MESD: variants seen among roughly 807,000 people sequenced by gnomAD.
MESD encodes the protein mesoderm development LRP chaperone.
Under a neutral mutation model 12.9 loss-of-function variants are expected in MESD, and 7 were observed. The ratio of observed to expected loss-of-function variants is 0.54; its 90% CI spans 0.31 to 1.02. The LOEUF (loss-of-function observed/expected upper bound fraction) is 1.02, where lower values mean the gene tolerates loss of function less well. MESD is among the 50% of genes least tolerant of loss of function. The pLI is 0.05. For missense variants in MESD, 342 were observed against 296.7 expected, an observed-to-expected ratio of 1.15 and a Z score of -1.12; for synonymous variants, 126 against 115.6, an observed-to-expected ratio of 1.09 and a Z score of -0.58.
intron 3 of MESD, among the ~76,000 whole-genome samples, chr15:80,966,918 A>T (rs1902184863): frequency 6.6e-6 from 1 of 152,168 alleles, no homozygotes; most frequent in South Asian, 2.1e-4. Flanking sequence ...CCGCTGGTTA[A>T]ATTCCTCTGG....
At chr15:80,952,037 C>A in exon 4 of MESD, 1 of 365,126 alleles carries the variant, frequency 2.7e-6, no homozygotes, top group Non-Finnish European at 5.5e-6. Flanking sequence ...ATTCATATGG[C>A]TGGCCATGTC....
intron 3 of MESD, among the ~76,000 whole-genome samples, chr15:80,959,439 C>T (rs1902046889): frequency 6.6e-6 from 1 of 152,114 alleles, no homozygotes; most frequent in Non-Finnish European, 1.5e-5. Context: ...GGCCCTGTTC[C>T]AAGTGGCTGC....
chr15:80,954,394 GC>G (rs1455816769), intron 3 of MESD, among the ~76,000 whole-genome samples: 1 of 152,224 alleles, frequency 6.6e-6, no homozygotes, highest in African/African-American at 2.4e-5. Context: ...CAGTACTGAA[GC>G]CAAAATCCTG....
chr15:80,966,123 A>C (rs1567121135), intron 3 of MESD, among the ~76,000 whole-genome samples: 1 of 152,172 alleles, frequency 6.6e-6, no homozygotes, highest in Non-Finnish European at 1.5e-5. Context: ...TTCCATGATA[A>C]AGTTTTTGAA....
chr15:80,964,826 A>C (rs1902147591), intron 3 of MESD, among the ~76,000 whole-genome samples: 1 of 152,232 alleles, frequency 6.6e-6, no homozygotes, highest in African/African-American at 2.4e-5. Flanking sequence ...AAAAACTTAA[A>C]TGCAACACCT....
intron 1 of MESD, among the ~76,000 whole-genome samples, chr15:80,983,900 T>C (rs1902656392): frequency 8.7e-6 from 1 of 114,592 alleles, no homozygotes. Flanking sequence ...GTAACTTTTT[T>C]TTTTTTTTTT....
At chr15:80,949,116 C>G (rs1901702245) in intron 4 of MESD, 1 of 715,212 alleles carries the variant, frequency 1.4e-6, no homozygotes, top group East Asian at 2.7e-5. Context: ...CAAGTGTCTA[C>G]CTGGAGCCCC....
chr15:80,948,932 T>C (rs1901691896), intron 4 of MESD: 1 of 1,614,206 alleles, frequency 6.2e-7, no homozygotes, highest in Non-Finnish European at 8.5e-7. Flanking sequence ...TGAGGACAGC[T>C]GCCGCCCGGT....
At chr15:80,964,498 G>A (rs531483050) in intron 3 of MESD, among the ~76,000 whole-genome samples, 11 of 152,252 alleles carry the variant, frequency 7.2e-5, no homozygotes, top group Non-Finnish European at 1.2e-4. Context: ...AAAAGAGCCC[G>A]CATAACTAAG....
chr15:80,982,587 T>G (rs1902610211), intron 1 of MESD, among the ~76,000 whole-genome samples: 1 of 152,164 alleles, frequency 6.6e-6, no homozygotes. Context: ...CAAAATAAGA[T>G]TTACTATGCA....
At chr15:80,989,225 T>C (rs56307075) in intron 1 of MESD, among the ~76,000 whole-genome samples, 44,959 of 152,006 alleles carry the variant, frequency 0.3, 8,832 homozygotes, top group African/African-American at 0.56. Context: ...TCACTCTCCC[T>C]GTTTGCAGGG....
At chr15:80,946,913 C>T, downstream of MESD, 1 of 1,293,728 alleles carries the variant, frequency 7.7e-7, no homozygotes, top group South Asian at 1.2e-5. Context: ...CCCATGCCCA[C>T]TTTCTCCAGT....
chr15:80,975,429 G>A (rs1902385578), downstream of MESD, among the ~76,000 whole-genome samples: 1 of 151,942 alleles, frequency 6.6e-6, no homozygotes, highest in South Asian at 2.1e-4. Context: ...AGGGAAAAAA[G>A]CAAGGCTCAG....
At chr15:80,948,569 C>A in exon 5 of MESD, 1 of 598,232 alleles carries the variant, frequency 1.7e-6, no homozygotes, top group Non-Finnish European at 3.0e-6. Context: ...AGCCATCACC[C>A]TGCCTAGGTG....
At chr15:80,966,185 T>C (rs1902172170) in intron 3 of MESD, among the ~76,000 whole-genome samples, 1 of 152,112 alleles carries the variant, frequency 6.6e-6, no homozygotes, top group Admixed American at 6.5e-5. Flanking sequence ...TCAAGAACTT[T>C]AAAAGAATCA....
chr15:80,966,898 T>C (rs756128819), intron 3 of MESD, among the ~76,000 whole-genome samples: 4 of 152,170 alleles, frequency 2.6e-5, no homozygotes, highest in Admixed American at 6.5e-5. Flanking sequence ...CTCCTCCTTA[T>C]TGGGCAGTTC....
chr15:80,967,356 G>A (rs930617007), intron 3 of MESD, among the ~76,000 whole-genome samples: 1 of 152,118 alleles, frequency 6.6e-6, no homozygotes, highest in Admixed American at 6.5e-5. Flanking sequence ...TTAATTTAGA[G>A]CAAGGACCTC....
downstream of MESD, among the ~76,000 whole-genome samples, chr15:80,974,319 G>A (rs1433978635): frequency 6.6e-6 from 1 of 152,076 alleles, no homozygotes; most frequent in African/African-American, 2.4e-5. Context: ...TGAGGTCTAG[G>A]AAAAGCTGTG....
chr15:80,969,490 G>A (rs910683585), intron 3 of MESD, among the ~76,000 whole-genome samples: 4 of 152,094 alleles, frequency 2.6e-5, no homozygotes, highest in African/African-American at 9.6e-5. Context: ...CCAGAGAAGG[G>A]GAGCAGCCCC....
Sources: allele counts gnomAD v4.1 joint callset (sites outside exome capture counted in the v4.1 genomes callset), GRCh38; gene constraint gnomAD v4.1.1; transcripts MANE v1.5; gene names NCBI Gene and HGNC (gene_info 2026-07-23, HGNC 2026-07-21).